EIPR1: variants seen among roughly 807,000 people sequenced by gnomAD.
The protein encoded by EIPR1 is EARP and GARP complex-interacting protein 1.
Under a neutral mutation model 48.1 loss-of-function variants are expected in EIPR1, and 25 were observed. That is an observed-to-expected ratio of 0.52 (90% CI 0.38 to 0.73). The LOEUF (loss-of-function observed/expected upper bound fraction) is 0.73, where lower values mean the gene tolerates loss of function less well. Among genes scored for constraint, EIPR1 ranks in the 30% least tolerant of loss-of-function variants. The pLI is 0.00. For missense variants in EIPR1, 415 were observed against 506.2 expected, an observed-to-expected ratio of 0.82 and a Z score of 1.73; for synonymous variants, 204 against 201.9, an observed-to-expected ratio of 1.01 and a Z score of -0.09.
chr2:3,197,009 G>A lies in EIPR1; in HGVS notation c.525C>T (p.Ser175=). 1.2e-6 allele frequency: 2 copies of A among 1,613,778 alleles called. No homozygotes were observed. Among genetic ancestry groups the A allele is most frequent in the Non-Finnish European group, 1.7e-6 (2 of 1,180,006 alleles). ...GTCCCTTCCCTTCCAGGGACGCTGA[G>A]CTGGCCAGCTGGGAGTGTCACGATG... The part of the protein sequence containing the change: ...QESSSQAVLA[S]SASLEGKGQL... Residue 175 remains serine, a synonymous_variant, in exon 6 of 9, where the codon AGC becomes AGT. Transcript: ENST00000382125.
At chr2:3,290,453 A>G (rs1668332409) in intron 3 of EIPR1, among the ~76,000 whole-genome samples, 1 of 152,252 alleles carries the variant, frequency 6.6e-6, no homozygotes, top group Non-Finnish European at 1.5e-5. Context: ...AAAGGTTCCC[A>G]GGAACCTAAG....
intron 3 of EIPR1, among the ~76,000 whole-genome samples, chr2:3,329,381 G>GAC (rs1572450387): frequency 6.6e-6 from 1 of 151,420 alleles, no homozygotes; most frequent in Admixed American, 6.6e-5. Flanking sequence ...CCTTGGATCA[G>GAC]TCCACCTACC....
At chr2:3,262,851 C>T (rs965839699) in intron 3 of EIPR1, among the ~76,000 whole-genome samples, 8 of 152,170 alleles carry the variant, frequency 5.3e-5, no homozygotes, top group Admixed American at 1.3e-4. Context: ...TCAGTCATAC[C>T]CACCACGGCA....
chr2:3,298,696 C>A (rs979229597), intron 3 of EIPR1, among the ~76,000 whole-genome samples: 4 of 152,002 alleles, frequency 2.6e-5, no homozygotes, highest in African/African-American at 9.7e-5. Context: ...ATGCTCCACA[C>A]AAGGATTGAC....
intron 1 of EIPR1, among the ~76,000 whole-genome samples, chr2:3,374,384 C>T (rs946896579): frequency 2.0e-5 from 3 of 151,692 alleles, no homozygotes; most frequent in Non-Finnish European, 4.4e-5. Context: ...CAAATGGGAT[C>T]TCATTAAACT....
intron 1 of EIPR1, among the ~76,000 whole-genome samples, chr2:3,362,118 G>A (rs1166387628): frequency 6.6e-6 from 1 of 152,180 alleles, no homozygotes. Flanking sequence ...ACTCAACTAA[G>A]CTTGGACCTC....
chr2:3,206,390 C>T (rs1476825653), intron 5 of EIPR1, among the ~76,000 whole-genome samples: 1 of 152,200 alleles, frequency 6.6e-6, no homozygotes, highest in Non-Finnish European at 1.5e-5. Context: ...CACACACCAC[C>T]AAGGGTACCA....
chr2:3,344,634 C>CT (rs1178498027), intron 2 of EIPR1, among the ~76,000 whole-genome samples: 4,056 of 74,258 alleles, frequency 0.055, 903 homozygotes, highest in African/African-American at 0.08. Flanking sequence ...GGTTCTGGTT[C>CT]TTTTTTTTTT....
At chr2:3,326,042 C>T (rs1572445998) in intron 3 of EIPR1, among the ~76,000 whole-genome samples, 2 of 152,214 alleles carry the variant, frequency 1.3e-5, no homozygotes, top group Admixed American at 6.5e-5. Flanking sequence ...GGCTGCTCCC[C>T]AGTGCAGAGG....
At chr2:3,349,677 G>A (rs1033758522) in intron 2 of EIPR1, among the ~76,000 whole-genome samples, 6 of 151,984 alleles carry the variant, frequency 3.9e-5, no homozygotes, top group Non-Finnish European at 7.4e-5. Flanking sequence ...GGGAGATGGG[G>A]ACAGGGAGGA....
At chr2:3,287,664 A>ATCCGGAAAGCGCGTTCACCACGC (rs1668240662) in intron 3 of EIPR1, among the ~76,000 whole-genome samples, 1 of 121,152 alleles carries the variant, frequency 8.3e-6, no homozygotes, top group African/African-American at 3.2e-5. Context: ...GTTCACCACA[A>ATCCGGAAAGCGCGTTCACCACGC]TCCGGAAAGC....
At position 3,257,376 on chromosome 2, in the gene EIPR1, A is replaced by G; in HGVS notation, c.339T>C (p.Pro113=). ...KELESGSHES[P]DDSSSTAQTL... Reference sequence around the variant, plus strand: ...TCTGTGCAGTGCTGGATGAATCATCAGGGGACTCGTGGCTGCCTGATTCCA... The same window carrying G: ...TCTGTGCAGTGCTGGATGAATCATCGGGGGACTCGTGGCTGCCTGATTCCA... The change falls in exon 4 of 9, where the codon CCT becomes CCC. Residue 113 remains proline, a synonymous_variant. Coordinates refer to ENST00000382125, the MANE Select transcript of EIPR1 (RefSeq NM_003310.5). 6.2e-7 allele frequency: 1 copy of G among 1,614,186 alleles called. No individual in the cohort carries two copies. The highest frequency in any genetic ancestry group is 8.5e-7 in the Non-Finnish European group (1 of 1,180,036).
intron 3 of EIPR1, among the ~76,000 whole-genome samples, chr2:3,267,955 G>C (rs770193527): frequency 6.6e-6 from 1 of 152,236 alleles, no homozygotes; most frequent in Non-Finnish European, 1.5e-5. Flanking sequence ...CCTGTGTAGC[G>C]CACAGACTGT....
rs73135144 is a variant in EIPR1, at chr2:3,350,677, A to T, written c.126+3873T>A. Among the ~76,000 whole-genome samples, 27 of 152,198 alleles carry T rather than the reference A, an allele frequency of 1.8e-4. No homozygotes were observed. In the South Asian group the frequency reaches 5.0e-3, roughly 28 times the overall value. On this transcript the variant is annotated intron_variant, in intron 2 of 8. Coordinates refer to ENST00000382125, the MANE Select transcript of EIPR1 (RefSeq NM_003310.5). The stretch of plus-strand genomic sequence containing the variant: ...AGTGGATGAATGAATGAACAGCTCA[A>T]CAATGTCACATGCCTTTACCAGAAA...
intron 4 of EIPR1, among the ~76,000 whole-genome samples, chr2:3,246,641 A>G (rs1666803661): frequency 6.6e-6 from 1 of 151,940 alleles, no homozygotes; most frequent in African/African-American, 2.4e-5. Context: ...GCACTTGGAC[A>G]TGTCAGAGAA....
intron 3 of EIPR1, among the ~76,000 whole-genome samples, chr2:3,325,145 A>G (rs565100541): frequency 6.6e-6 from 1 of 152,332 alleles, no homozygotes; most frequent in Non-Finnish European, 1.5e-5. Context: ...CAAAAAGGAA[A>G]GTTGACGAGA....
At chr2:3,328,651 C>A (rs1436547222) in intron 3 of EIPR1, among the ~76,000 whole-genome samples, 1 of 138,738 alleles carries the variant, frequency 7.2e-6, no homozygotes, top group East Asian at 2.3e-4. Context: ...CCACCCACCA[C>A]GCTCTAATGA....
chr2:3,211,029 T>C (rs1230755432), intron 5 of EIPR1, among the ~76,000 whole-genome samples: 1 of 152,228 alleles, frequency 6.6e-6, no homozygotes, highest in Non-Finnish European at 1.5e-5. Context: ...CTGTGCTTAT[T>C]ACCTGGCTCA....
At chr2:3,281,976 A>G (rs1468976620) in intron 3 of EIPR1, among the ~76,000 whole-genome samples, 10 of 152,372 alleles carry the variant, frequency 6.6e-5, no homozygotes, top group Non-Finnish European at 1.2e-4. Flanking sequence ...AGGTGGAAAT[A>G]CCAAGTTCAA....
Sources: gnomAD v4.1 joint callset for allele counts (sites outside exome capture counted in the v4.1 genomes callset) on GRCh38, gnomAD v4.1.1 for gene constraint, MANE v1.5 for transcripts, NCBI Gene and HGNC (gene_info 2026-07-23, HGNC 2026-07-21) for gene names.